Variants in PHF10 observed in about 807,000 individuals in gnomAD.
PHF10 encodes the protein PHD finger protein 10.
In PHF10, 51 loss-of-function variants were observed where a neutral mutation model predicts 68.5. That is an observed-to-expected ratio of 0.74 (90% CI 0.59 to 0.94). PHF10 has a LOEUF of 0.94. PHF10 is among the 40% of genes least tolerant of loss of function. The pLI, the probability that PHF10 is intolerant of heterozygous loss-of-function variation, is 0.00. For missense variants in PHF10, 460 were observed against 602.6 expected (o/e 0.76, Z 2.48); for synonymous variants, 204 against 203.5 (o/e 1.00, Z -0.02).
intron 4 of PHF10, among the ~76,000 whole-genome samples, 185 bp from the exon 5 acceptor site, chr6:169,716,273 T>C (rs1456743635): frequency 6.6e-6 from 1 of 152,100 alleles, no homozygotes; most frequent in Non-Finnish European, 1.5e-5. Flanking sequence ...ACTCGAGCAA[T>C]CAAAAGATTA....
At chr6:169,712,922 A>G (rs1788958450) in intron 7 of PHF10, among the ~76,000 whole-genome samples, 1 of 152,196 alleles carries the variant, frequency 6.6e-6, no homozygotes, top group Non-Finnish European at 1.5e-5. Flanking sequence ...CAGACCTAAT[A>G]ATAGCATCTA....
chr6:169,714,514 T>G (rs1246977298), intron 7 of PHF10, among the ~76,000 whole-genome samples: 2 of 152,178 alleles, frequency 1.3e-5, no homozygotes, highest in Non-Finnish European at 2.9e-5. Flanking sequence ...CCAAACAGAA[T>G]GGGCAGAGAC....
At chr6:169,723,240 G>C (rs559980605) in intron 1 of PHF10, among the ~76,000 whole-genome samples, 2 of 152,124 alleles carry the variant, frequency 1.3e-5, no homozygotes, top group Non-Finnish European at 2.9e-5. Flanking sequence ...CCTAACTTTA[G>C]AACCAAAACG....
intron 3 of PHF10, 85 bp downstream of exon 3, chr6:169,718,698 AAATAT>A: frequency 1.3e-6 from 1 of 795,186 alleles, no homozygotes; most frequent in Non-Finnish European, 2.0e-6. Context: ...CAAGAATATA[AAATAT>A]AATCTACAGA....
rs201052993 is a variant in PHF10, at chr6:169,715,861, G to GA, written c.544-5dup. 1.4e-3 allele frequency: 1,957 copies of GA among 1,441,234 alleles called. No homozygotes were observed. The highest frequency in any genetic ancestry group is 3.3e-3 in the Middle Eastern group (18 of 5,484). The allele number at this position is 1,441,234 out of a possible 1,614,324, so 89.3% of individuals were successfully genotyped here. ...GAGTATTCTGTTGTTGCATTTGCTG[G>GA]AAAAAAAAAATACAGTTGGAAGTCA... On this transcript the variant is annotated splice_region_variant and splice_polypyrimidine_tract_variant and intron_variant, in intron 5 of 11. Coordinates refer to ENST00000339209, the MANE Select transcript of PHF10 (RefSeq NM_018288.4).
intron 6 of PHF10, among the ~76,000 whole-genome samples, chr6:169,715,499 G>A (rs1016040559): frequency 3.4e-4 from 51 of 152,036 alleles, no homozygotes; most frequent in African/African-American, 1.2e-3. Flanking sequence ...CCCGGGAGGC[G>A]GAGGTTGCAG....
rs1789249342 is a variant in PHF10, at chr6:169,723,837, T to G, written c.87+8A>C. 9.8e-7 allele frequency: 1 copy of G among 1,024,040 alleles called. No homozygotes were observed. Among genetic ancestry groups the G allele is most frequent in the Non-Finnish European group, 1.2e-6 (1 of 828,600 alleles). The allele number at this position is 1,024,040 out of a possible 1,614,324, so 63.4% of individuals were successfully genotyped here. A position where few individuals can be genotyped will look rare whatever the true frequency, so the allele number is the denominator to read the frequency against. The stretch of plus-strand genomic sequence containing the variant: ...GTCAGGGTCGGGTCGCACCGGCCGC[T>G]TCCTCACCTTCGGGGACTGCGCTCC... On this transcript the variant is annotated splice_region_variant and intron_variant, in intron 1 of 11. Transcript: ENST00000339209.
chr6:169,722,064 T>TAA (rs1789192043), intron 1 of PHF10, among the ~76,000 whole-genome samples: 1 of 152,190 alleles, frequency 6.6e-6, no homozygotes, highest in Non-Finnish European at 1.5e-5. Flanking sequence ...TTTGAGACTA[T>TAA]AATAGTGCCC....
At chr6:169,718,122 G>C (rs530912254) in intron 3 of PHF10, among the ~76,000 whole-genome samples, 1 of 152,100 alleles carries the variant, frequency 6.6e-6, no homozygotes, top group Non-Finnish European at 1.5e-5. Context: ...TCCAAAGCAA[G>C]AAGGTCATAT....
chr6:169,723,520 G>A (rs943360942), intron 1 of PHF10, among the ~76,000 whole-genome samples: 2 of 152,228 alleles, frequency 1.3e-5, no homozygotes, highest in Non-Finnish European at 2.9e-5. Flanking sequence ...GCCCCTCCGA[G>A]GCCAACTCTC....
rs867615197 is a variant in PHF10, at chr6:169,723,934, G to A, written c.-3C>T. ...CCGGGCCCGGCCGCCGCCGCCATCAGCCCGAGCGCCCCGCGCCGCCGCCGC... is the reference window on the plus strand; with the variant it reads ...CCGGGCCCGGCCGCCGCCGCCATCAACCCGAGCGCCCCGCGCCGCCGCCGC... On this transcript the variant is annotated 5_prime_UTR_variant, in exon 1 of 12. Transcript: ENST00000339209. 2,369 of 958,176 alleles carry A rather than the reference G, an allele frequency of 2.5e-3. 11 individuals carry two copies. In the East Asian group the frequency reaches 0.035, roughly 14 times the overall value. 59.4% of individuals were successfully genotyped at this position (958,176 alleles called of 1,614,324 possible).
chr6:169,711,638 T>C (rs891894952), intron 8 of PHF10, among the ~76,000 whole-genome samples: 1 of 152,234 alleles, frequency 6.6e-6, no homozygotes, highest in Non-Finnish European at 1.5e-5. Context: ...AGAAAAGTTG[T>C]GTCACCACTT....
chr6:169,715,630 G>T, intron 6 of PHF10, 78 bp downstream of exon 6: 1 of 1,190,026 alleles, frequency 8.4e-7, no homozygotes. Flanking sequence ...AAAAAATAAC[G>T]ATAAAGGGGG....
intron 2 of PHF10, among the ~76,000 whole-genome samples, chr6:169,720,333 A>G (rs1789147074): frequency 1.3e-5 from 2 of 152,174 alleles, no homozygotes; most frequent in African/African-American, 2.4e-5. Context: ...AAAAAACTGA[A>G]AACACAAACT....
At position 169,703,916 on chromosome 6, in the gene PHF10, A is replaced by G. The variant is rs1788641652; in HGVS notation, c.*87T>C. 1 of 1,126,892 alleles carries G rather than the reference A, an allele frequency of 8.9e-7. No individual in the cohort carries two copies. Among genetic ancestry groups the G allele is most frequent in the Non-Finnish European group, 1.3e-6 (1 of 798,286 alleles). The allele number at this position is 1,126,892 out of a possible 1,614,324, so 69.8% of individuals were successfully genotyped here. On this transcript the variant is annotated 3_prime_UTR_variant, in exon 12 of 12. Transcript: ENST00000339209. ...TTTTAAGCTCATAATTTGCAAAAAA[A>G]ATCTTTTATTGGCATGAAAATAATG...
chr6:169,719,165 T>C, intron 2 of PHF10: 1 of 300,598 alleles, frequency 3.3e-6, no homozygotes. Context: ...AGAATCACAA[T>C]TGCTAAGAAC....
Position 169,718,907 on chromosome 6 carries a change from T to C in PHF10, c.206A>G (p.Tyr69Cys). Reference sequence around the variant, plus strand: ...GTACTCTATCAAGTTTTCTGCTGGATAGTAACTAAAACTAAGTACAGAAAT... The same window carrying C: ...GTACTCTATCAAGTTTTCTGCTGGACAGTAACTAAAACTAAGTACAGAAAT... ...TSSQDLGFSY[Y>C]PAENLIEYKW... The change falls in exon 3 of 12, where the codon TAT becomes TGT. Residue 69 changes from tyrosine to cysteine, a missense_variant. By Grantham distance (194) the Tyr-to-Cys change is radical (BLOSUM62 -2). Around this residue, in one of 3 missense-constraint regions of PHF10, gnomAD observed 93 missense variants for 82.4 expected, o/e 1.13. Transcript: ENST00000339209. 8 of 1,583,098 alleles carry C rather than the reference T, an allele frequency of 5.1e-6. No individual in the cohort carries two copies. Among genetic ancestry groups the C allele is most frequent in the Non-Finnish European group, 6.9e-6 (8 of 1,153,364 alleles).
intron 3 of PHF10, 141 bp downstream of exon 3, chr6:169,718,647 T>C (rs1226293285): frequency 1.8e-6 from 1 of 561,602 alleles, no homozygotes; most frequent in African/African-American, 1.9e-5. Flanking sequence ...TAGCCTGGGT[T>C]ACAGAATGAG....
chr6:169,707,714 C>T (rs777538368), intron 9 of PHF10: 2 of 152,106 alleles, frequency 1.3e-5, no homozygotes, highest in African/African-American at 2.4e-5. Context: ...CATTAAACAC[C>T]TATGATAAAA....
Sources: gnomAD v4.1 joint callset for allele counts (sites outside exome capture counted in the v4.1 genomes callset) on GRCh38, gnomAD v4.1.1 for gene constraint, gnomAD v4.1.1 regional missense constraint, MANE v1.5 for transcripts, NCBI Gene and HGNC (gene_info 2026-07-23, HGNC 2026-07-21) for gene names.